The following RYK variants were observed in gnomAD, a reference collection of about 807,000 sequenced individuals.
The protein encoded by RYK is inactive tyrosine-protein kinase RYK.
A neutral mutation model predicts 70.2 loss-of-function variants in RYK; 21 were observed. The ratio of observed to expected loss-of-function variants is 0.30; its 90% CI spans 0.21 to 0.43. The LOEUF (loss-of-function observed/expected upper bound fraction) is 0.43. RYK is among the 20% of genes least tolerant of loss of function. The probability of loss-of-function intolerance (pLI) is 1.00; values close to 1 mark genes in which losing one functional copy is unlikely to be tolerated. For synonymous variants in RYK, 267 were observed against 278.0 expected (o/e 0.96, Z 0.39); for missense variants, 604 against 753.3 (o/e 0.80, Z 2.32).
At chr3:134,221,196 C>CTTTTTTTTTTT (rs71139519) in intron 2 of RYK, among the ~76,000 whole-genome samples, 8 of 78,588 alleles carry the variant, frequency 1.0e-4, no homozygotes, top group African/African-American at 2.8e-4. Flanking sequence ...AGTTCTTTTT[C>CTTTTTTTTTTT]TTTTTTTTTT....
intron 1 of RYK, among the ~76,000 whole-genome samples, chr3:134,226,783 A>G (rs1462363526): frequency 1.3e-5 from 2 of 152,218 alleles, no homozygotes; most frequent in Admixed American, 1.3e-4. Flanking sequence ...AAAACTGTCA[A>G]CAAACTAGGA....
At chr3:134,246,335 CACACACACAG>C (rs1253579321) in intron 1 of RYK, among the ~76,000 whole-genome samples, 1 of 143,692 alleles carries the variant, frequency 7.0e-6, no homozygotes, top group African/African-American at 2.6e-5. Context: ...CACACACACA[CACACACACAG>C]AGAGAGAGAA....
In RYK at chr3:134,203,005, T is replaced by C. The variant is rs544731343; in HGVS notation, c.644-131A>G. On this transcript the variant is annotated intron_variant, in intron 5 of 14. Coordinates refer to ENST00000623711, the MANE Select transcript of RYK (RefSeq NM_002958.4). ...TGTAAGATCAGTTACCAGTAGCATA[T>C]TGGTGGAAGTTCACATAATTTTTTT... 4.7e-5 allele frequency: 33 copies of C among 698,726 alleles called. No homozygotes were observed. In the African/African-American group the frequency reaches 5.4e-4, roughly 11 times the overall value. The allele number at this position is 698,726 out of a possible 1,614,324, so 43.3% of individuals were successfully genotyped here.
intron 1 of RYK, among the ~76,000 whole-genome samples, chr3:134,245,058 G>A (rs1459636775): frequency 6.6e-6 from 1 of 152,138 alleles, no homozygotes; most frequent in African/African-American, 2.4e-5. Flanking sequence ...ATAAATCTCT[G>A]TTGTTTACAA....
chr3:134,248,508 T>C (rs996300628), intron 1 of RYK, among the ~76,000 whole-genome samples: 1 of 152,188 alleles, frequency 6.6e-6, no homozygotes, highest in African/African-American at 2.4e-5. Flanking sequence ...ATGTCAACAC[T>C]GTTTCATTTT....
At chr3:134,169,422 T>C (rs926110061) in intron 13 of RYK, among the ~76,000 whole-genome samples, 2 of 152,206 alleles carry the variant, frequency 1.3e-5, no homozygotes, top group Non-Finnish European at 2.9e-5. Flanking sequence ...AAAAAATTTA[T>C]GGTGGTATCC....
chr3:134,175,965 T>G lies in RYK; in HGVS notation c.1380A>C (p.Glu460Asp). ...ACGMSYLARR[E>D]VIHKDLAARN... ...TGGCAGCCAGGTCTTTGTGGATGAC[T>G]TCCCTTCTGGCCAGGTAGCTCATTC... Residue 460 changes from glutamate to aspartate, a missense_variant, in exon 12 of 15, where the codon GAA (glutamate) becomes GAC (aspartate). Glu to Asp is a conservative substitution (Grantham distance 45). Transcript: ENST00000623711. 1 of 1,609,882 alleles carries G rather than the reference T, an allele frequency of 6.2e-7. No individual in the cohort carries two copies. The highest frequency in any genetic ancestry group is 1.1e-5 in the South Asian group (1 of 89,878).
intron 1 of RYK, among the ~76,000 whole-genome samples, chr3:134,231,590 AT>A (rs889725635): frequency 6.6e-6 from 1 of 152,016 alleles, no homozygotes; most frequent in Non-Finnish European, 1.5e-5. Context: ...TCCACCCCTT[AT>A]CCCCCTTCAA....
chr3:134,208,243 A>C (rs2014276385), intron 4 of RYK, among the ~76,000 whole-genome samples: 1 of 152,212 alleles, frequency 6.6e-6, no homozygotes. Flanking sequence ...CACTGGTGGG[A>C]TCCAGAGGCC....
intron 2 of RYK, among the ~76,000 whole-genome samples, chr3:134,220,063 A>G (rs192835108): frequency 6.6e-6 from 1 of 152,356 alleles, no homozygotes; most frequent in Non-Finnish European, 1.5e-5. Flanking sequence ...TGCACTGGGA[A>G]GGACAGCACC....
chr3:134,166,141 C>A (rs374925025), intron 13 of RYK, among the ~76,000 whole-genome samples: 4 of 152,252 alleles, frequency 2.6e-5, no homozygotes, highest in African/African-American at 9.6e-5. Context: ...AAACCTTAAC[C>A]CCCAAGTGAT....
chr3:134,250,327 G>A, intron 1 of RYK, 96 bp downstream of exon 1: 2 of 634,886 alleles, frequency 3.2e-6, no homozygotes, highest in Non-Finnish European at 4.5e-6. Flanking sequence ...GAGGGTACTC[G>A]CCCGAGGTCC....
At chr3:134,217,427 A>G (rs901645177) in intron 2 of RYK, among the ~76,000 whole-genome samples, 6 of 152,054 alleles carry the variant, frequency 3.9e-5, no homozygotes, top group Admixed American at 1.3e-4. Flanking sequence ...CTCTAACCCT[A>G]CTTCTCCTAC....
chr3:134,208,568 T>C (rs1234175940), intron 4 of RYK, among the ~76,000 whole-genome samples: 1 of 152,200 alleles, frequency 6.6e-6, no homozygotes, highest in South Asian at 2.1e-4. Context: ...TCTTAAAATG[T>C]CTATTCAAAT....
At chr3:134,231,076 T>C (rs892340906) in intron 1 of RYK, among the ~76,000 whole-genome samples, 3 of 150,756 alleles carry the variant, frequency 2.0e-5, no homozygotes, top group Non-Finnish European at 2.9e-5. Flanking sequence ...TAACAAAAAA[T>C]AATATGTAAG....
At chr3:134,169,511 T>C (rs1190038737) in intron 13 of RYK, among the ~76,000 whole-genome samples, 1 of 152,194 alleles carries the variant, frequency 6.6e-6, no homozygotes, top group Non-Finnish European at 1.5e-5. Context: ...CTTGGAATAA[T>C]ATTAGACATT....
chr3:134,189,761 CAA>C (rs1440799655), intron 8 of RYK, among the ~76,000 whole-genome samples: 5 of 103,522 alleles, frequency 4.8e-5, no homozygotes, highest in African/African-American at 1.4e-4. Context: ...AAAAAAAAAA[CAA>C]AAAACAAAAA....
At chr3:134,198,249 C>A (rs1416881258) in intron 6 of RYK, among the ~76,000 whole-genome samples, 2 of 152,198 alleles carry the variant, frequency 1.3e-5, no homozygotes, top group South Asian at 2.1e-4. Context: ...GAGATACTAA[C>A]CCTGTCTTAG....
chr3:134,177,663 C>T lies in RYK; in HGVS notation c.1305+278G>A, dbSNP rs569259217. Among the ~76,000 whole-genome samples, 4 of 152,240 alleles carry T rather than the reference C, an allele frequency of 2.6e-5. No individual in the cohort carries two copies. The South Asian group carries it at 8.3e-4, about 32-fold the overall frequency. On this transcript the variant is annotated intron_variant, in intron 11 of 14. Coordinates refer to ENST00000623711, the MANE Select transcript of RYK (RefSeq NM_002958.4). ...AGTACCCTCAGTTATCAGGAAAACA[C>T]CTAAGATGGCATTACAAAGGGTTTG...
Sources: allele counts gnomAD v4.1 joint callset (sites outside exome capture counted in the v4.1 genomes callset), GRCh38; gene constraint gnomAD v4.1.1; transcripts MANE v1.5; gene names NCBI Gene and HGNC (gene_info 2026-07-23, HGNC 2026-07-21).